ALK: variants seen among roughly 807,000 people sequenced by gnomAD.
The protein encoded by ALK is ALK receptor tyrosine kinase.
A neutral mutation model predicts 163.1 loss-of-function variants in ALK; 74 were observed. The observed-to-expected ratio is 0.45, with a 90% CI of 0.38 to 0.55. The LOEUF is 0.55. ALK is among the 20% of genes least tolerant of loss of function. The probability of loss-of-function intolerance (pLI) is 0.00; values close to 1 mark genes in which losing one functional copy is unlikely to be tolerated. For synonymous variants in ALK, 960 were observed against 843.2 expected, an observed-to-expected ratio of 1.14 and a Z score of -2.40; for missense variants, 2,063 against 2,105.3, an observed-to-expected ratio of 0.98 and a Z score of 0.39.
intron 4 of ALK, among the ~76,000 whole-genome samples, chr2:29,435,686 C>T (rs557355283): frequency 6.6e-6 from 1 of 150,970 alleles, no homozygotes; most frequent in East Asian, 1.9e-4. Flanking sequence ...ACACCAAAAG[C>T]AACACAAGCT....
At chr2:29,347,765 A>G (rs765465755) in intron 5 of ALK, among the ~76,000 whole-genome samples, 2 of 152,180 alleles carry the variant, frequency 1.3e-5, no homozygotes, top group Non-Finnish European at 2.9e-5. Flanking sequence ...AGCTCTTTCC[A>G]TCTGAAGAAA....
chr2:29,349,865 C>A (rs879460354), intron 5 of ALK, among the ~76,000 whole-genome samples: 3 of 152,194 alleles, frequency 2.0e-5, no homozygotes, highest in African/African-American at 4.8e-5. Context: ...AGAACCAGGA[C>A]CTGCTGGGTC....
chr2:29,254,644 A>G (rs1357041649), intron 11 of ALK, among the ~76,000 whole-genome samples: 1 of 152,212 alleles, frequency 6.6e-6, no homozygotes. Flanking sequence ...TTAAAATGTG[A>G]ACAATTGGAG....
intron 3 of ALK, among the ~76,000 whole-genome samples, chr2:29,550,480 C>T (rs1377495534): frequency 6.6e-6 from 1 of 152,148 alleles, no homozygotes; most frequent in Admixed American, 6.6e-5. Flanking sequence ...TAATGGCTGT[C>T]TGATCTTGTT....
chr2:29,378,146 A>G (rs1476511573), intron 5 of ALK, among the ~76,000 whole-genome samples: 1 of 152,216 alleles, frequency 6.6e-6, no homozygotes, highest in Non-Finnish European at 1.5e-5. Context: ...CTTTGTCTTC[A>G]TATTGACTAG....
chr2:29,499,885 CTCCTT>C (rs1672123234), intron 4 of ALK, among the ~76,000 whole-genome samples: 1 of 152,278 alleles, frequency 6.6e-6, no homozygotes, highest in Non-Finnish European at 1.5e-5. Context: ...ACCTTCCCCT[CTCCTT>C]CCCCTGTTCT....
At chr2:29,374,421 G>A (rs1005893243) in intron 5 of ALK, among the ~76,000 whole-genome samples, 3 of 150,662 alleles carry the variant, frequency 2.0e-5, no homozygotes, top group African/African-American at 7.3e-5. Flanking sequence ...CCTTTATTGA[G>A]TGCTTGCCAT....
chr2:29,916,542 C>G (rs933852085), intron 1 of ALK, among the ~76,000 whole-genome samples: 1 of 152,236 alleles, frequency 6.6e-6, no homozygotes, highest in Non-Finnish European at 1.5e-5. Flanking sequence ...TCCTCCTTTG[C>G]TCTCTCTGCC....
chr2:29,854,768 A>G (rs895609503), intron 1 of ALK, among the ~76,000 whole-genome samples: 2 of 152,212 alleles, frequency 1.3e-5, no homozygotes, highest in African/African-American at 2.4e-5. Flanking sequence ...ATGATTGAAT[A>G]TATTTTTTAT....
intron 3 of ALK, among the ~76,000 whole-genome samples, chr2:29,615,174 G>A (rs1237588275): frequency 1.3e-5 from 2 of 152,016 alleles, no homozygotes; most frequent in Admixed American, 6.6e-5. Flanking sequence ...TGACTTTAAG[G>A]ATGCTGTTCC....
intron 1 of ALK, among the ~76,000 whole-genome samples, chr2:29,803,820 T>C (rs994354376): frequency 1.3e-5 from 2 of 152,336 alleles, no homozygotes; most frequent in South Asian, 2.1e-4. Context: ...TGGTGCGTCA[T>C]GCCTCATAAA....
intron 11 of ALK, among the ~76,000 whole-genome samples, chr2:29,261,928 A>G (rs1013777565): frequency 3.9e-5 from 6 of 152,142 alleles, no homozygotes; most frequent in African/African-American, 1.4e-4. Flanking sequence ...TTTGGAACGT[A>G]TTTATATTTT....
At chr2:29,783,222 A>G (rs1395066973) in intron 1 of ALK, among the ~76,000 whole-genome samples, 1 of 152,232 alleles carries the variant, frequency 6.6e-6, no homozygotes, top group East Asian at 1.9e-4. Context: ...TATCAGTCAC[A>G]ACTATGCTAA....
chr2:29,651,093 C>A (rs888575238), intron 3 of ALK, among the ~76,000 whole-genome samples: 2 of 152,016 alleles, frequency 1.3e-5, no homozygotes, highest in African/African-American at 4.8e-5. Flanking sequence ...GAAATCTCAG[C>A]CCCCTCTATG....
intron 8 of ALK, among the ~76,000 whole-genome samples, chr2:29,299,350 A>G (rs1037668194): frequency 2.6e-5 from 4 of 152,136 alleles, no homozygotes; most frequent in Non-Finnish European, 4.4e-5. Flanking sequence ...ACATTCCTCT[A>G]TTATCTGAGG....
chr2:29,416,628 G>C (rs1669883422), intron 4 of ALK, among the ~76,000 whole-genome samples: 1 of 152,306 alleles, frequency 6.6e-6, no homozygotes, highest in East Asian at 1.9e-4. Flanking sequence ...CATTTTAGTG[G>C]CTCTTGTAGA....
At chr2:29,562,195 T>C (rs1474433875) in intron 3 of ALK, among the ~76,000 whole-genome samples, 1 of 152,212 alleles carries the variant, frequency 6.6e-6, no homozygotes, top group African/African-American at 2.4e-5. Context: ...CTGTGTTGGA[T>C]GAGCTTTAAT....
At chr2:29,533,634 T>G (rs1189451028) in intron 3 of ALK, among the ~76,000 whole-genome samples, 3 of 152,106 alleles carry the variant, frequency 2.0e-5, no homozygotes, top group African/African-American at 7.2e-5. Flanking sequence ...CCAAATCCAT[T>G]TATTCGGTCC....
At chr2:29,247,140 TTTTACCCCGGCCTCCGCGGCAGCGCC>T (rs1664698883) in intron 12 of ALK, among the ~76,000 whole-genome samples, 1 of 151,388 alleles carries the variant, frequency 6.6e-6, no homozygotes, top group Non-Finnish European at 1.5e-5. Flanking sequence ...CGGCAGCGCC[TTTTACCCCGGCCTCCGCGGCAGCGCC>T]TTTCCCCCGG....
Sources: gnomAD v4.1 joint callset for allele counts (sites outside exome capture counted in the v4.1 genomes callset) on GRCh38, gnomAD v4.1.1 for gene constraint, MANE v1.5 for transcripts, NCBI Gene and HGNC (gene_info 2026-07-23, HGNC 2026-07-21) for gene names.